The following BABAM2 variants were observed in gnomAD, a reference collection of about 807,000 sequenced individuals.
BABAM2 encodes BRISC and BRCA1-A complex member 2.
Under a neutral mutation model 54.7 loss-of-function variants are expected in BABAM2, and 31 were observed. That is an observed-to-expected ratio of 0.57 (90% CI 0.43 to 0.77). BABAM2 has a LOEUF of 0.77. Among genes scored for constraint, BABAM2 ranks in the 30% least tolerant of loss-of-function variants. BABAM2 has a pLI of 0.00. For synonymous variants in BABAM2, 167 were observed against 162.9 expected (o/e 1.03, Z -0.19); for missense variants, 364 against 455.8 (o/e 0.80, Z 1.83).
chr2:28,214,890 G>T (rs1010443174), intron 7 of BABAM2, among the ~76,000 whole-genome samples: 2 of 151,900 alleles, frequency 1.3e-5, no homozygotes, highest in South Asian at 4.2e-4. Context: ...CCCTCCCCAA[G>T]CACTCCTTGC....
intron 6 of BABAM2, among the ~76,000 whole-genome samples, chr2:28,079,564 T>C (rs532916783): frequency 6.6e-6 from 1 of 152,312 alleles, no homozygotes; most frequent in Admixed American, 6.5e-5. Context: ...AAGCATATTA[T>C]TTCACTGTTC....
chr2:28,229,448 T>C (rs1681175993), intron 7 of BABAM2, among the ~76,000 whole-genome samples: 1 of 152,184 alleles, frequency 6.6e-6, no homozygotes, highest in African/African-American at 2.4e-5. Flanking sequence ...ATGGAGTTAT[T>C]ATTCACTACT....
rs1313853274 is a variant in BABAM2 at position 28,210,028 on chromosome 2, G to C, written c.681-27174G>C. On this transcript the variant is annotated intron_variant, in intron 7 of 11. Transcript: ENST00000379624. ...GATTCCATTCCCATTGTGTGTAAAA[G>C]AGGAACTCTCCATTCTTTTTGCACT... Among the ~76,000 whole-genome samples, 11 of 152,232 alleles carry C rather than the reference G, an allele frequency of 7.2e-5. No homozygotes were observed. In the East Asian group the frequency reaches 1.5e-3, roughly 21 times the overall value.
At chr2:28,191,493 T>C (rs1298134281) in intron 7 of BABAM2, among the ~76,000 whole-genome samples, 2 of 152,130 alleles carry the variant, frequency 1.3e-5, no homozygotes, top group African/African-American at 2.4e-5. Flanking sequence ...ACAACCCAAA[T>C]GTCCATCAAC....
At chr2:28,179,893 GGA>G (rs1358083269) in intron 7 of BABAM2, among the ~76,000 whole-genome samples, 3 of 151,704 alleles carry the variant, frequency 2.0e-5, no homozygotes, top group Non-Finnish European at 4.4e-5. Context: ...AATATACCTA[GGA>G]ATAAATTTAA....
chr2:27,975,447 T>G (rs1368870620), intron 3 of BABAM2, among the ~76,000 whole-genome samples: 1 of 152,074 alleles, frequency 6.6e-6, no homozygotes, highest in African/African-American at 2.4e-5. Context: ...TCAATGATTT[T>G]CCACAAAAAC....
chr2:28,284,128 A>G (rs181510040), intron 10 of BABAM2, among the ~76,000 whole-genome samples: 88 of 152,332 alleles, frequency 5.8e-4, no homozygotes, highest in African/African-American at 2.1e-3. Flanking sequence ...AGTTAGTTAA[A>G]TTTCAGAATA....
At chr2:27,893,630 G>C (rs941527422) in intron 1 of BABAM2, among the ~76,000 whole-genome samples, 2 of 152,166 alleles carry the variant, frequency 1.3e-5, no homozygotes, top group Non-Finnish European at 2.9e-5. Context: ...TCAAAACATA[G>C]ACCCTGCAGG....
chr2:28,060,904 A>T (rs1341348831), intron 6 of BABAM2, among the ~76,000 whole-genome samples: 1 of 152,198 alleles, frequency 6.6e-6, no homozygotes, highest in African/African-American at 2.4e-5. Context: ...GTTCTTCCTA[A>T]ATTGGCATAT....
intron 7 of BABAM2, among the ~76,000 whole-genome samples, chr2:28,175,507 G>A (rs965682270): frequency 6.6e-6 from 1 of 152,172 alleles, no homozygotes; most frequent in Non-Finnish European, 1.5e-5. Context: ...CTCCTGCCAG[G>A]GACCTGAAGA....
intron 7 of BABAM2, among the ~76,000 whole-genome samples, chr2:28,198,448 G>A (rs1483404248): frequency 1.3e-5 from 2 of 152,082 alleles, no homozygotes; most frequent in Admixed American, 1.3e-4. Context: ...TTACAGGCGT[G>A]AGCCACCGCG....
At chr2:28,283,241 C>T (rs1686528953) in intron 10 of BABAM2, among the ~76,000 whole-genome samples, 1 of 152,158 alleles carries the variant, frequency 6.6e-6, no homozygotes, top group African/African-American at 2.4e-5. Flanking sequence ...GCTGCTGAAG[C>T]AGTTGAGGCA....
chr2:28,317,503 A>G (rs954084193), intron 11 of BABAM2, among the ~76,000 whole-genome samples: 1 of 152,186 alleles, frequency 6.6e-6, no homozygotes, highest in Non-Finnish European at 1.5e-5. Flanking sequence ...TCATCTGAAC[A>G]CTGAAGGCAA....
intron 6 of BABAM2, among the ~76,000 whole-genome samples, chr2:28,104,256 A>G (rs1005846632): frequency 6.6e-6 from 1 of 152,202 alleles, no homozygotes; most frequent in African/African-American, 2.4e-5. Context: ...TGAACAGGCA[A>G]CCTACAGAAT....
At chr2:28,215,685 A>T (rs1381826774) in intron 7 of BABAM2, among the ~76,000 whole-genome samples, 1 of 151,664 alleles carries the variant, frequency 6.6e-6, no homozygotes, top group Non-Finnish European at 1.5e-5. Context: ...TCTCTCTCCT[A>T]CCCATTTCCC....
intron 6 of BABAM2, among the ~76,000 whole-genome samples, chr2:28,107,099 C>T (rs1272927808): frequency 1.3e-5 from 2 of 152,012 alleles, no homozygotes; most frequent in Admixed American, 1.3e-4. Flanking sequence ...ATATCCATCC[C>T]CCTTTATGTA....
chr2:28,199,744 G>A (rs79524210), intron 7 of BABAM2, among the ~76,000 whole-genome samples: 19 of 152,214 alleles, frequency 1.2e-4, no homozygotes, highest in African/African-American at 2.9e-4. Context: ...GGAAGGCAGC[G>A]GTGGGCAGCA....
At chr2:28,270,071 G>T (rs540005215) in intron 10 of BABAM2, among the ~76,000 whole-genome samples, 9 of 152,194 alleles carry the variant, frequency 5.9e-5, no homozygotes, top group African/African-American at 2.2e-4. Context: ...TTGAACACCT[G>T]TTGGGCCAAA....
At chr2:28,296,966 G>A (rs1377503771) in intron 10 of BABAM2, among the ~76,000 whole-genome samples, 1 of 152,180 alleles carries the variant, frequency 6.6e-6, no homozygotes, top group Non-Finnish European at 1.5e-5. Context: ...GGGATTACAG[G>A]TGTGAGCCAC....
Sources: gnomAD v4.1 joint callset for allele counts (sites outside exome capture counted in the v4.1 genomes callset) on GRCh38, gnomAD v4.1.1 for gene constraint, MANE v1.5 for transcripts, NCBI Gene and HGNC (gene_info 2026-07-23, HGNC 2026-07-21) for gene names.